The following CTNND2 variants were observed in gnomAD, a reference collection of about 807,000 sequenced individuals.
The protein encoded by CTNND2 is catenin delta-2.
CTNND2 carries 22 observed loss-of-function variants against 144.4 expected under a neutral mutation model. The observed-to-expected ratio is 0.15, with a 90% CI of 0.11 to 0.22. The LOEUF is 0.22. Among genes scored for constraint, CTNND2 ranks in the 10% least tolerant of loss-of-function variants. The pLI, the probability that CTNND2 is intolerant of heterozygous loss-of-function variation, is 1.00. For synonymous variants in CTNND2, 751 were observed against 695.6 expected (o/e 1.08, Z -1.25); for missense variants, 1,353 against 1,618.8 (o/e 0.84, Z 2.82).
intron 2 of CTNND2, among the ~76,000 whole-genome samples, chr5:11,614,809 T>G (rs1056631128): frequency 6.6e-6 from 1 of 152,208 alleles, no homozygotes; most frequent in Non-Finnish European, 1.5e-5. Context: ...CCAGACCTGC[T>G]GTAGCACCAA....
chr5:11,623,806 A>ATG (rs1349525158), intron 2 of CTNND2, among the ~76,000 whole-genome samples: 72 of 29,390 alleles, frequency 2.4e-3, no homozygotes, highest in Middle Eastern at 0.036. Context: ...ATATGTGTGT[A>ATG]TGTATATATA....
intron 12 of CTNND2, among the ~76,000 whole-genome samples, chr5:11,143,205 C>T (rs183128371): frequency 6.6e-6 from 1 of 152,310 alleles, no homozygotes; most frequent in Non-Finnish European, 1.5e-5. Context: ...AAAGGTGAAC[C>T]TCTTTTCCTA....
At chr5:11,864,191 G>A (rs1279220877) in intron 1 of CTNND2, among the ~76,000 whole-genome samples, 1 of 152,122 alleles carries the variant, frequency 6.6e-6, no homozygotes, top group Non-Finnish European at 1.5e-5. Context: ...GACGCCACCA[G>A]CAAAGGCCTT....
At position 11,453,549 on chromosome 5, in the gene CTNND2, C is replaced by CAA. The variant is rs61760265; in HGVS notation, c.288-41481_288-41480insTT. ...GGTTTCAGCCGAAATATCAGGGACT[C>CAA]AGAGTATCAGACTATCAGAAAGCCC... On this transcript the variant is annotated intron_variant, in intron 3 of 21. Coordinates refer to ENST00000304623, the MANE Select transcript of CTNND2 (RefSeq NM_001332.4). Among the ~76,000 whole-genome samples, 631 of 152,242 alleles carry CAA rather than the reference C, an allele frequency of 4.1e-3. 20 individuals carry two copies. Among genetic ancestry groups the CAA allele is most frequent in the Admixed American group, 0.037 (563 of 15,294 alleles).
chr5:11,623,336 T>C (rs967220620), intron 2 of CTNND2, among the ~76,000 whole-genome samples: 53 of 152,006 alleles, frequency 3.5e-4, no homozygotes, highest in African/African-American at 1.3e-3. Context: ...TGGGAGTGGT[T>C]TCCCCCATAC....
intron 1 of CTNND2, among the ~76,000 whole-genome samples, chr5:11,773,227 G>A (rs1790048478): frequency 6.6e-6 from 1 of 152,156 alleles, no homozygotes; most frequent in Non-Finnish European, 1.5e-5. Flanking sequence ...CCATACAAAT[G>A]AAATGATTTT....
chr5:11,184,999 A>AG (rs1446947362), intron 11 of CTNND2, among the ~76,000 whole-genome samples: 2 of 152,150 alleles, frequency 1.3e-5, no homozygotes, highest in Non-Finnish European at 2.9e-5. Context: ...CAGGTGTGCA[A>AG]GAACACACAT....
At chr5:11,321,496 C>T (rs115016405) in intron 9 of CTNND2, among the ~76,000 whole-genome samples, 166 of 152,268 alleles carry the variant, frequency 1.1e-3, no homozygotes, top group African/African-American at 3.8e-3. Flanking sequence ...ATCATGCCTG[C>T]ACATATTGCT....
At chr5:11,887,643 T>C (rs1171301988) in intron 1 of CTNND2, among the ~76,000 whole-genome samples, 1 of 152,226 alleles carries the variant, frequency 6.6e-6, no homozygotes, top group Non-Finnish European at 1.5e-5. Flanking sequence ...CCAGTATTGA[T>C]ACATTATTAT....
rs115410617 is a variant in CTNND2, at chr5:11,005,679, C to T, written c.3084+12295G>A. Reference sequence around the variant, plus strand: ...TGCTATTTACTGAGATGGGCAACCACGGAAGAAGAATAGATTTAGGGAATA... The same window carrying T: ...TGCTATTTACTGAGATGGGCAACCATGGAAGAAGAATAGATTTAGGGAATA... On this transcript the variant is annotated intron_variant, in intron 18 of 21. Transcript: ENST00000304623. Among the ~76,000 whole-genome samples the T allele has an allele frequency of 2.5e-3, 376 of 152,250 alleles. 2 individuals are homozygous for T. Among genetic ancestry groups the T allele is most frequent in the African/African-American group, 8.1e-3 (337 of 41,536 alleles).
At chr5:11,474,013 G>A (rs188825603) in intron 3 of CTNND2, among the ~76,000 whole-genome samples, 9 of 152,280 alleles carry the variant, frequency 5.9e-5, no homozygotes, top group Admixed American at 3.9e-4. Context: ...AGCAGTAATC[G>A]AGAGCCTGAA....
intron 6 of CTNND2, among the ~76,000 whole-genome samples, chr5:11,396,806 C>T (rs1344519983): frequency 1.3e-5 from 2 of 152,164 alleles, no homozygotes; most frequent in East Asian, 3.8e-4. Flanking sequence ...GTGAACAATA[C>T]ATAGATATTT....
At chr5:11,668,555 GCTCT>G (rs374814994) in intron 2 of CTNND2, among the ~76,000 whole-genome samples, 8 of 151,828 alleles carry the variant, frequency 5.3e-5, no homozygotes, top group Admixed American at 2.6e-4. Context: ...TCATGATTTG[GCTCT>G]CTGTTTGTCT....
intron 11 of CTNND2, among the ~76,000 whole-genome samples, chr5:11,163,823 T>A (rs551093956): frequency 6.6e-6 from 1 of 152,356 alleles, no homozygotes; most frequent in Admixed American, 6.5e-5. Flanking sequence ...AAAATATGTA[T>A]CATTCTTCAC....
chr5:11,800,607 C>T (rs1231784613), intron 1 of CTNND2, among the ~76,000 whole-genome samples: 1 of 152,012 alleles, frequency 6.6e-6, no homozygotes, highest in African/African-American at 2.4e-5. Context: ...AAAGGCATAC[C>T]CTTCCGTCCA....
At chr5:11,165,668 T>C (rs939381904) in intron 11 of CTNND2, among the ~76,000 whole-genome samples, 1 of 152,226 alleles carries the variant, frequency 6.6e-6, no homozygotes, top group Non-Finnish European at 1.5e-5. Flanking sequence ...GACATTTACG[T>C]ATACTAAAGA....
chr5:11,082,858 G>A lies in CTNND2; in HGVS notation c.2638-12C>T. ...ATATATACTGACCACTGCAAAAACA[G>A]GGAAGGCGAAGGGCGTTAGAAACAG... On this transcript the variant is annotated splice_polypyrimidine_tract_variant and intron_variant, in intron 15 of 21. Transcript: ENST00000304623. The A allele has an allele frequency of 6.2e-7, 1 of 1,612,996 alleles. No individual in the cohort carries two copies. The highest frequency in any genetic ancestry group is 8.5e-7 in the Non-Finnish European group (1 of 1,179,376).
intron 1 of CTNND2, among the ~76,000 whole-genome samples, chr5:11,848,467 C>A (rs1794851908): frequency 1.3e-5 from 2 of 152,114 alleles, no homozygotes; most frequent in Admixed American, 1.3e-4. Flanking sequence ...AAATTAATTA[C>A]TACCCATAAC....
chr5:11,776,631 C>T (rs1383693809), intron 1 of CTNND2, among the ~76,000 whole-genome samples: 1 of 152,022 alleles, frequency 6.6e-6, no homozygotes, highest in Non-Finnish European at 1.5e-5. Flanking sequence ...TAATTAATAG[C>T]CTCAACCTCA....
Sources: allele counts gnomAD v4.1 joint callset (sites outside exome capture counted in the v4.1 genomes callset), GRCh38; gene constraint gnomAD v4.1.1; transcripts MANE v1.5; gene names NCBI Gene and HGNC (gene_info 2026-07-23, HGNC 2026-07-21).